DGKA: variants seen among roughly 807,000 people sequenced by gnomAD.
The protein encoded by DGKA is 80 kDa diacylglycerol kinase.
Under a neutral mutation model 105.0 loss-of-function variants are expected in DGKA, and 35 were observed. The ratio of observed to expected loss-of-function variants is 0.33; its 90% confidence interval spans 0.25 to 0.44. The LOEUF (loss-of-function observed/expected upper bound fraction) is 0.44. Among genes scored for constraint, DGKA ranks in the 20% least tolerant of loss-of-function variants. The pLI is 1.00. For missense variants in DGKA, 665 were observed against 915.0 expected (o/e 0.73, Z 3.53); for synonymous variants, 296 against 332.0 (o/e 0.89, Z 1.18).
chr12:55,935,831 C>G (rs755479722), intron 1 of DGKA: 8 of 966,202 alleles, frequency 8.3e-6, no homozygotes, highest in Non-Finnish European at 9.8e-6. Flanking sequence ...TTCTGTGTCG[C>G]GCGTCAGAAG....
chr12:55,945,147 T>A (rs929978158), intron 17 of DGKA, among the ~76,000 whole-genome samples: 1 of 152,168 alleles, frequency 6.6e-6, no homozygotes, highest in Admixed American at 6.5e-5. Flanking sequence ...AAGACCAGTT[T>A]AAGGAAGAAA....
At chr12:55,950,594 C>A (rs1194954603) in intron 17 of DGKA, among the ~76,000 whole-genome samples, 1 of 152,170 alleles carries the variant, frequency 6.6e-6, no homozygotes, top group Non-Finnish European at 1.5e-5. Flanking sequence ...GTGTGAGCCA[C>A]TGATACCTGG....
chr12:55,935,002 G>T (rs1442432086), intron 1 of DGKA, among the ~76,000 whole-genome samples: 1 of 152,202 alleles, frequency 6.6e-6, no homozygotes, highest in Non-Finnish European at 1.5e-5. Flanking sequence ...AGTGGAACAA[G>T]AGGAGGGCAG....
At chr12:55,927,852 G>T, upstream of DGKA, 1 of 1,482,632 alleles carries the variant, frequency 6.7e-7, no homozygotes, top group African/African-American at 1.4e-5. Flanking sequence ...GCGAAGTGAT[G>T]AGGGCCCTAG....
chr12:55,939,469 G>C lies in DGKA; in HGVS notation c.649G>C (p.Val217Leu), dbSNP rs1885445708. Residue 217 changes from valine (V) to leucine (L), a missense_variant, in exon 9 of 24, where the codon GTC (valine) becomes CTC (leucine). Physicochemically the swap from Val to Leu is conservative, Grantham distance 32 (BLOSUM62 1). Transcript: ENST00000331886. ...MWRPKRFPRP[V>L]YCNLCESSIG... Reference sequence around the variant, plus strand: ...GAGGCCCAAGAGGTTCCCCAGACCAGTCTACTGCAATCTGTGCGAGTCAAG... The same window carrying C: ...GAGGCCCAAGAGGTTCCCCAGACCACTCTACTGCAATCTGTGCGAGTCAAG... 1 of 1,614,238 alleles carries C rather than the reference G, an allele frequency of 6.2e-7. No individual in the cohort carries two copies. The highest frequency in any genetic ancestry group is 8.5e-7 in the Non-Finnish European group (1 of 1,180,042).
rs777360733 is a variant in DGKA at position 55,952,470 on chromosome 12, T to G, written c.1743+39T>G. On this transcript the variant is annotated intron_variant, in intron 20 of 23. Transcript: ENST00000331886. This position sits in a 1 kb window ranked among gnomAD's most constrained non-coding sequence, Gnocchi z 5.1. Reference sequence around the variant, plus strand: ...GACTTAACCCTACATCCTTTTCAGCTTCTTAATAGCCAAGTTTCTCCCTCC... The same window carrying G: ...GACTTAACCCTACATCCTTTTCAGCGTCTTAATAGCCAAGTTTCTCCCTCC... 1 of 1,593,214 alleles carries G rather than the reference T, an allele frequency of 6.3e-7. No individual in the cohort carries two copies. Among genetic ancestry groups the G allele is most frequent in the South Asian group, 1.1e-5 (1 of 90,604 alleles).
intron 17 of DGKA, among the ~76,000 whole-genome samples, chr12:55,945,268 C>T (rs186627899): frequency 2.8e-4 from 42 of 152,206 alleles, no homozygotes; most frequent in African/African-American, 9.9e-4. Context: ...GAGTCATCTG[C>T]TCCTAGGTGG....
chr12:55,939,921 GA>G (rs754101468), intron 9 of DGKA, 160 bp from the exon 10 acceptor site: 3 of 651,890 alleles, frequency 4.6e-6, no homozygotes, highest in Non-Finnish European at 8.1e-6. Flanking sequence ...GAAGAGTAAG[GA>G]AAAGGCGTGG....
chr12:55,937,610 G>A (rs1382720511), intron 4 of DGKA, 67 bp downstream of exon 4: 3 of 1,575,214 alleles, frequency 1.9e-6, no homozygotes, highest in South Asian at 2.3e-5. Context: ...TGGATTTGGG[G>A]TTGAGAATTA....
chr12:55,938,881 G>A (rs751570531), intron 6 of DGKA, 34 bp from the exon 7 acceptor site: 1 of 1,612,562 alleles, frequency 6.2e-7, no homozygotes, highest in South Asian at 1.1e-5. Flanking sequence ...TAGTAAAGGG[G>A]ATATGGCTGT....
At chr12:55,927,689 G>C (rs1397005069), upstream of DGKA, 2 of 1,538,194 alleles carry the variant, frequency 1.3e-6, no homozygotes. Flanking sequence ...CCCGCGGGAG[G>C]GGCGTGCAAG....
intron 13 of DGKA, 127 bp downstream of exon 13, chr12:55,941,107 T>C: frequency 1.5e-6 from 2 of 1,332,830 alleles, no homozygotes; most frequent in Non-Finnish European, 1.0e-6. Flanking sequence ...AACTCCACCA[T>C]GGTAGGGGAG....
rs1888395141 is a variant in DGKA, at chr12:55,952,683, G to C, written c.1744-51G>C. On this transcript the variant is annotated intron_variant, in intron 20 of 23. Transcript: ENST00000331886. The surrounding 1 kb of genome is among the most constrained non-coding windows in gnomAD (Gnocchi z 5.1). ...GCGATCACATCTATGATCATGCCAT[G>C]AGGTGAGGATCTGTACCCTCCCTAA... 6.3e-7 allele frequency: 1 copy of C among 1,593,850 alleles called. No homozygotes were observed. Among genetic ancestry groups the C allele is most frequent in the Non-Finnish European group, 8.6e-7 (1 of 1,162,820 alleles).
intron 2 of DGKA, 127 bp from the exon 3 acceptor site, chr12:55,936,890 T>C (rs1184474984): frequency 2.2e-6 from 2 of 923,144 alleles, no homozygotes; most frequent in Admixed American, 1.7e-5. Flanking sequence ...TATTTTTCCC[T>C]CTGTATTTCT....
rs774124339 is a variant in DGKA, at chr12:55,938,984, A to C, written c.469A>C (p.Arg157=). 5 of 1,614,092 alleles carry C rather than the reference A, an allele frequency of 3.1e-6. No individual in the cohort carries two copies. The East Asian group carries it at 6.7e-5, about 22-fold the overall frequency. ...CCTGGATTGGGATGTGTCTGAGCTGAGGCCGGTAAGGCAGCTCTTCCTTCA... is the reference window on the plus strand; with the variant it reads ...CCTGGATTGGGATGTGTCTGAGCTGCGGCCGGTAAGGCAGCTCTTCCTTCA... ...EYLDWDVSEL[R]PILQEMMKEI... is the part of the protein sequence containing the mutation. The change falls in exon 7 of 24, where the codon AGG becomes CGG. Residue 157 remains arginine, a synonymous_variant. Coordinates refer to ENST00000331886, the MANE Select transcript of DGKA (RefSeq NM_001345.5).
intron 17 of DGKA, among the ~76,000 whole-genome samples, chr12:55,944,340 G>A (rs765615147): frequency 5.9e-5 from 9 of 152,152 alleles, no homozygotes; most frequent in Non-Finnish European, 5.9e-5. Flanking sequence ...CAGGCATGGT[G>A]GCACATGCCT....
At position 55,932,468 on chromosome 12, in the gene DGKA, A is replaced by G; in HGVS notation, c.-82+1124A>G. On this transcript the variant is annotated intron_variant, in intron 1 of 23. Transcript: ENST00000331886. The surrounding 1 kb of genome is among the most constrained non-coding windows in gnomAD (Gnocchi z 4.3). ...GGAGAAGGGTTCTTGTTTGGCCTCCAGGTCCCCAACTTCCCACCCCATCCT... is the reference window on the plus strand; with the variant it reads ...GGAGAAGGGTTCTTGTTTGGCCTCCGGGTCCCCAACTTCCCACCCCATCCT... 1.4e-6 allele frequency: 1 copy of G among 696,400 alleles called. No homozygotes were observed. The highest frequency in any genetic ancestry group is 2.6e-6 in the Non-Finnish European group (1 of 381,062). The allele number at this position is 696,400 out of a possible 1,614,324, so 43.1% of individuals were successfully genotyped here. A position where few individuals can be genotyped will look rare whatever the true frequency, so the allele number is the denominator to read the frequency against.
upstream of DGKA, chr12:55,928,138 TAA>T (rs1482083093): frequency 1.7e-5 from 4 of 240,482 alleles, no homozygotes; most frequent in African/African-American, 9.0e-5. Context: ...CCTTCAGGGC[TAA>T]GTCCTGTTAA....
intron 6 of DGKA, 116 bp from the exon 7 acceptor site, chr12:55,938,799 C>T (rs1000767449): frequency 2.0e-5 from 31 of 1,554,216 alleles, no homozygotes; most frequent in Non-Finnish European, 2.5e-5. Context: ...GCAGACATAC[C>T]TGAGAATGAG....
Sources: gnomAD v4.1 joint callset for allele counts (sites outside exome capture counted in the v4.1 genomes callset) on GRCh38, gnomAD v4.1.1 for gene constraint, Gnocchi (gnomAD v3.1) non-coding constraint, MANE v1.5 for transcripts, NCBI Gene and HGNC (gene_info 2026-07-23, HGNC 2026-07-21) for gene names.